The following SLC44A1 variants were observed in gnomAD, a reference collection of about 807,000 sequenced individuals.
The protein encoded by SLC44A1 is solute carrier family 44 member 1, also known as choline transporter-like protein 1.
In SLC44A1, 26 loss-of-function variants were observed where a neutral mutation model predicts 79.3. The observed-to-expected ratio is 0.33, with a 90% CI of 0.24 to 0.46. SLC44A1 has a LOEUF of 0.46. Ranked by LOEUF, SLC44A1 falls within the 20% of genes least tolerant of loss-of-function variation. SLC44A1 has a pLI of 1.00. For missense variants in SLC44A1, 688 were observed against 798.1 expected (o/e 0.86, Z 1.66); for synonymous variants, 263 against 286.2 (o/e 0.92, Z 0.82).
At chr9:105,434,187 A>G (rs1829435111) in intron 15 of SLC44A1, among the ~76,000 whole-genome samples, 2 of 152,098 alleles carry the variant, frequency 1.3e-5, no homozygotes, top group South Asian at 4.1e-4. Flanking sequence ...AATAAATACA[A>G]AAATTAGCTG....
chr9:105,245,061 G>A (rs879353359), intron 1 of SLC44A1, among the ~76,000 whole-genome samples, 157 bp downstream of exon 1: 19 of 151,956 alleles, frequency 1.3e-4, no homozygotes, highest in Non-Finnish European at 2.4e-4. Context: ...CGTCCGCCGG[G>A]TCCCGCCGAT....
At chr9:105,340,786 G>A (rs1228967857) in intron 4 of SLC44A1, among the ~76,000 whole-genome samples, 1 of 152,146 alleles carries the variant, frequency 6.6e-6, no homozygotes. Flanking sequence ...AGAAATTAAA[G>A]GGGAAGAAGC....
intron 1 of SLC44A1, among the ~76,000 whole-genome samples, chr9:105,273,655 G>A (rs1207588617): frequency 2.0e-5 from 3 of 151,688 alleles, no homozygotes. Flanking sequence ...ACTAGCAAAT[G>A]TTATGTTCTG....
At chr9:105,252,671 CTT>C (rs1829616945) in intron 1 of SLC44A1, among the ~76,000 whole-genome samples, 1 of 152,140 alleles carries the variant, frequency 6.6e-6, no homozygotes, top group Non-Finnish European at 1.5e-5. Context: ...ATGGGTGAGA[CTT>C]TATGGCAAGC....
At chr9:105,266,470 G>T (rs1214868614) in intron 1 of SLC44A1, among the ~76,000 whole-genome samples, 3 of 152,054 alleles carry the variant, frequency 2.0e-5, no homozygotes, top group East Asian at 1.9e-4. Context: ...TATCCATTTT[G>T]CCAATCTTTA....
rs1480339814 is a variant in SLC44A1 at position 105,374,575 on chromosome 9, ATGT to A, written c.1495-18_1495-16del. The A allele has an allele frequency of 2.7e-5, 43 of 1,595,190 alleles. No homozygotes were observed. Among genetic ancestry groups the A allele is most frequent in the Non-Finnish European group, 3.2e-5 (37 of 1,171,200 alleles). On this transcript the variant is annotated intron_variant, in intron 12 of 15. Coordinates refer to ENST00000374720, the MANE Select transcript of SLC44A1 (RefSeq NM_080546.5). The stretch of plus-strand genomic sequence containing the variant: ...AAGGAAGTTTCAATTGTTGACGAAA[ATGT>A]TGTTTTTGCTTTTGTCCAGAATGCA...
chr9:105,378,622 G>T (rs1395939728), intron 13 of SLC44A1, among the ~76,000 whole-genome samples: 1 of 151,898 alleles, frequency 6.6e-6, no homozygotes, highest in East Asian at 1.9e-4. Context: ...AACCATAAAA[G>T]ATAAATACAT....
chr9:105,297,019 T>A (rs1830741189), intron 1 of SLC44A1, among the ~76,000 whole-genome samples: 1 of 152,208 alleles, frequency 6.6e-6, no homozygotes, highest in Non-Finnish European at 1.5e-5. Flanking sequence ...CTTCATCTCT[T>A]ACGCCACAAT....
intron 9 of SLC44A1, among the ~76,000 whole-genome samples, 167 bp downstream of exon 9, chr9:105,363,174 T>C (rs1397055950): frequency 6.6e-6 from 1 of 152,046 alleles, no homozygotes; most frequent in Non-Finnish European, 1.5e-5. Flanking sequence ...ATTCGTCTTT[T>C]TTTTTTGAGA....
chr9:105,270,214 A>G (rs186772771), intron 1 of SLC44A1, among the ~76,000 whole-genome samples: 39 of 152,244 alleles, frequency 2.6e-4, no homozygotes, highest in African/African-American at 9.1e-4. Flanking sequence ...GTTTATTGAC[A>G]TTGGAGGTGG....
At chr9:105,375,740 A>G (rs1250282983) in intron 13 of SLC44A1, among the ~76,000 whole-genome samples, 1 of 152,222 alleles carries the variant, frequency 6.6e-6, no homozygotes, top group Non-Finnish European at 1.5e-5. Flanking sequence ...TTTATTCTAT[A>G]CTATTAAAAT....
chr9:105,258,887 TAG>T lies in SLC44A1; in HGVS notation c.36+13988_36+13989del, dbSNP rs954180890. Among the ~76,000 whole-genome samples the T allele has an allele frequency of 3.3e-5, 5 of 151,286 alleles. No individual in the cohort carries two copies. The South Asian group carries it at 6.3e-4, about 19-fold the overall frequency. ...TTTTGTTTTTGTTTTTTTTTTTTGGTAGAGAGGGGGTTTCACCATGTTGGCCA... is the reference window on the plus strand; with the variant it reads ...TTTTGTTTTTGTTTTTTTTTTTTGGTAGAGGGGGTTTCACCATGTTGGCCA... On this transcript the variant is annotated intron_variant, in intron 1 of 15. Transcript: ENST00000374720.
At position 105,366,380 on chromosome 9, in the gene SLC44A1, G is replaced by C. The variant is rs940414092; in HGVS notation, c.1445G>C (p.Cys482Ser). Residue 482 changes from cysteine (C) to serine (S), a missense_variant, in exon 12 of 16, where the codon TGC becomes TCC. Cys to Ser is a moderately radical substitution (Grantham distance 112, BLOSUM62 -1). Coordinates refer to ENST00000374720, the MANE Select transcript of SLC44A1 (RefSeq NM_080546.5). ...TGTGCACGATGTGTGCTGAAATCTTGCATTTGTTGCCTTTGGTGTCTTGAA... is the reference window on the plus strand; with the variant it reads ...TGTGCACGATGTGTGCTGAAATCTTCCATTTGTTGCCTTTGGTGTCTTGAA... ...NACARCVLKS[C>S]ICCLWCLEKC... The C allele has an allele frequency of 6.5e-7, 1 of 1,528,784 alleles. No individual in the cohort carries two copies. Among genetic ancestry groups the C allele is most frequent in the East Asian group, 2.5e-5 (1 of 39,826 alleles). 94.7% of individuals were successfully genotyped at this position (1,528,784 alleles called of 1,614,324 possible).
Position 105,361,351 on chromosome 9 carries a change from G to A in SLC44A1, c.900+21G>A, listed in dbSNP as rs776822804. On this transcript the variant is annotated intron_variant, in intron 8 of 15. Transcript: ENST00000374720. ...TCACAGTGAGTTTAGGCTTTGGCGT[G>A]TCTTTCGGTTTTGTGTTTTTGTTTG... 63 of 1,558,310 alleles carry A rather than the reference G, an allele frequency of 4.0e-5. No homozygotes were observed. The Middle Eastern group carries it at 5.2e-4, about 13-fold the overall frequency.
chr9:105,365,335 A>G (rs1827905596), intron 10 of SLC44A1, 148 bp from the exon 11 acceptor site: 1 of 606,922 alleles, frequency 1.6e-6, no homozygotes, highest in South Asian at 2.1e-5. Flanking sequence ...TGTAATAGTT[A>G]TATATCACTT....
intron 8 of SLC44A1, among the ~76,000 whole-genome samples, chr9:105,362,088 G>A (rs555885696): frequency 1.4e-4 from 21 of 152,238 alleles, no homozygotes; most frequent in African/African-American, 4.8e-4. Flanking sequence ...GTGTGTGTGT[G>A]TGTGAGATTT....
chr9:105,309,810 G>C lies in SLC44A1; in HGVS notation c.213G>C (p.Gln71His). Residue 71 changes from glutamine (Q) to histidine (H), a missense_variant, in exon 3 of 16, where the codon CAG becomes CAC. Gln to His is a conservative substitution (Grantham distance 24). Transcript: ENST00000374720. ...GYDSYGNICG[Q>H]KNTKLEAIPN... ...ACAGCTATGGAAATATCTGTGGGCAGAAAAATACAAAGTTGGAAGCAATAC... is the reference window on the plus strand; with the variant it reads ...ACAGCTATGGAAATATCTGTGGGCACAAAAATACAAAGTTGGAAGCAATAC... The C allele has an allele frequency of 6.2e-7, 1 of 1,613,932 alleles. No individual in the cohort carries two copies.
intron 2 of SLC44A1, among the ~76,000 whole-genome samples, chr9:105,305,170 A>G (rs1050624298): frequency 6.6e-6 from 1 of 151,238 alleles, no homozygotes; most frequent in Admixed American, 6.6e-5. Context: ...GGGTCTCACT[A>G]TGTTGCCCAA....
At position 105,261,189 on chromosome 9, in the gene SLC44A1, A is replaced by G. The variant is rs373802247; in HGVS notation, c.36+16285A>G. Among the ~76,000 whole-genome samples, 8 of 152,296 alleles carry G rather than the reference A, an allele frequency of 5.3e-5. No homozygotes were observed. The East Asian group carries it at 9.6e-4, about 18-fold the overall frequency. On this transcript the variant is annotated intron_variant, in intron 1 of 15. Transcript: ENST00000374720. The stretch of plus-strand genomic sequence containing the variant: ...TTGGTGTATACATTAATATTAACCA[A>G]TCAGGAAAAAAGGCACATCATAAGC...
Sources: gnomAD v4.1 joint callset for allele counts (sites outside exome capture counted in the v4.1 genomes callset) on GRCh38, gnomAD v4.1.1 for gene constraint, MANE v1.5 for transcripts, NCBI Gene and HGNC (gene_info 2026-07-23, HGNC 2026-07-21) for gene names.